Variants in DNAH5 observed in about 807,000 individuals in gnomAD.
The protein encoded by DNAH5 is axonemal beta dynein heavy chain 5.
A neutral mutation model predicts 518.2 loss-of-function variants in DNAH5; 372 were observed. The ratio of observed to expected loss-of-function variants is 0.72; its 90% CI spans 0.66 to 0.78. The LOEUF is 0.78. DNAH5 is among the 30% of genes least tolerant of loss of function. The pLI is 0.00. For synonymous variants in DNAH5, 2,039 were observed against 2,025.9 expected (o/e 1.01, Z -0.17); for missense variants, 5,523 against 5,687.0 (o/e 0.97, Z 0.93).
chr5:13,766,781 G>C (rs1443473046), intron 58 of DNAH5, among the ~76,000 whole-genome samples: 2 of 152,146 alleles, frequency 1.3e-5, no homozygotes, highest in South Asian at 2.1e-4. Flanking sequence ...TACACTTATA[G>C]AGTAAATGAT....
intron 50 of DNAH5, among the ~76,000 whole-genome samples, chr5:13,790,172 C>T (rs1756727562): frequency 6.6e-6 from 1 of 152,122 alleles, no homozygotes; most frequent in Non-Finnish European, 1.5e-5. Flanking sequence ...GCAGAACTAC[C>T]ATTTGACCCA....
Position 13,886,135 on chromosome 5 carries a change from C to CAAAAAA in DNAH5, c.2578-12_2578-7dup, listed in dbSNP as rs71600031. 4.8e-5 allele frequency: 64 copies of CAAAAAA among 1,342,298 alleles called. 1 individual carries two copies. The highest frequency in any genetic ancestry group is 2.5e-4 in the Admixed American group (10 of 39,462). 83.1% of individuals were successfully genotyped at this position (1,342,298 alleles called of 1,614,324 possible). A position where few individuals can be genotyped will look rare whatever the true frequency, so the allele number is the denominator to read the frequency against. ...GCACCATTTACACAAAGATCCTAAC[C>CAAAAAA]AAAAAAAAAAAAAAAAAAAGATAGC... On this transcript the variant is annotated splice_polypyrimidine_tract_variant and splice_region_variant and intron_variant, in intron 17 of 78. Transcript: ENST00000265104.
chr5:13,877,629 A>G (rs1234038342), intron 21 of DNAH5, among the ~76,000 whole-genome samples: 1 of 152,218 alleles, frequency 6.6e-6, no homozygotes, highest in Non-Finnish European at 1.5e-5. Context: ...ATCCGCATCA[A>G]AGGGCAGGAA....
intron 12 of DNAH5, among the ~76,000 whole-genome samples, chr5:13,904,147 T>C (rs1275421850): frequency 1.3e-5 from 2 of 149,690 alleles, no homozygotes; most frequent in East Asian, 1.9e-4. Flanking sequence ...AGAAGAGGAA[T>C]AAAGAGAATA....
At chr5:13,793,086 G>A (rs987411192) in intron 49 of DNAH5, among the ~76,000 whole-genome samples, 3 of 152,072 alleles carry the variant, frequency 2.0e-5, no homozygotes, top group East Asian at 1.9e-4. Flanking sequence ...TCCAATCTGC[G>A]CTCTGGGTGC....
chr5:13,880,642 G>T (rs1269108293), intron 21 of DNAH5, among the ~76,000 whole-genome samples: 1 of 151,650 alleles, frequency 6.6e-6, no homozygotes, highest in Non-Finnish European at 1.5e-5. Context: ...ATTAGTATAA[G>T]ATGTTTTATG....
chr5:13,794,314 G>T (rs958445409), intron 47 of DNAH5, among the ~76,000 whole-genome samples: 6 of 152,178 alleles, frequency 3.9e-5, no homozygotes, highest in African/African-American at 1.4e-4. Context: ...GATGAGACTC[G>T]TCTGTCCATT....
Position 13,886,011 on chromosome 5 carries a change from T to G in DNAH5, c.2696A>C (p.Glu899Ala). 1 of 1,613,360 alleles carries G rather than the reference T, an allele frequency of 6.2e-7. No homozygotes were observed. Among genetic ancestry groups the G allele is most frequent in the Non-Finnish European group, 8.5e-7 (1 of 1,179,886 alleles). The change falls in exon 18 of 79, where the codon GAA becomes GCA. Residue 899 changes from glutamate (E) to alanine (A), a missense_variant. Physicochemically the swap from Glu to Ala is moderately radical, Grantham distance 107. Around this residue, in one of 3 missense-constraint regions of DNAH5, gnomAD observed 5,121 missense variants for 5,223.3 expected, o/e 0.98. Transcript: ENST00000265104. ...DVEVLSEEESEKISNENSVNY... is the reference protein window; with the variant it reads ...DVEVLSEEESAKISNENSVNY... ...AACACTATTCTCATTGGATATTTTT[T>G]CACTTTCTTCTTCAGATAAAACTTC...
chr5:13,956,819 A>G (rs1169324261), intron 1 of DNAH5, among the ~76,000 whole-genome samples: 1 of 152,222 alleles, frequency 6.6e-6, no homozygotes, highest in South Asian at 2.1e-4. Context: ...AATTTCATGA[A>G]CTGAATTATT....
chr5:13,722,392 A>G (rs1156307297), intron 70 of DNAH5, among the ~76,000 whole-genome samples: 3 of 152,294 alleles, frequency 2.0e-5, no homozygotes, highest in Admixed American at 2.0e-4. Flanking sequence ...GAGCTTACAA[A>G]TTGGTGCGAT....
chr5:13,807,701 C>T lies in DNAH5; in HGVS notation c.7777G>A (p.Gly2593Arg). 6.2e-7 allele frequency: 1 copy of T among 1,607,474 alleles called. No individual in the cohort carries two copies. Among genetic ancestry groups the T allele is most frequent in the Non-Finnish European group, 8.5e-7 (1 of 1,175,800 alleles). ...TTAATTATTACTGTTTTGGCTGTTC[C>T]TTGTTCACCAATTAATAGCACAGCC... ...GKAVLLIGEQ[G>R]TAKTVIIKGF... is the part of the protein sequence containing the mutation. The change falls in exon 47 of 79, where the codon GGA becomes AGA. Residue 2593 changes from glycine to arginine, a missense_variant. Gly to Arg is a moderately radical substitution (Grantham distance 125). Coordinates refer to ENST00000265104, the MANE Select transcript of DNAH5 (RefSeq NM_001369.3).
At chr5:13,911,854 G>A (rs1034097790) in intron 11 of DNAH5, among the ~76,000 whole-genome samples, 6 of 152,104 alleles carry the variant, frequency 3.9e-5, no homozygotes, top group Non-Finnish European at 5.9e-5. Flanking sequence ...AATATTCTGT[G>A]TTGAATAGTT....
chr5:13,817,082 AATTT>A (rs758768415), intron 42 of DNAH5, among the ~76,000 whole-genome samples: 1 of 152,244 alleles, frequency 6.6e-6, no homozygotes, highest in Non-Finnish European at 1.5e-5. Flanking sequence ...TACACAGAAT[AATTT>A]ATTAGTTCAA....
chr5:13,851,600 G>T (rs1000003751), intron 30 of DNAH5, among the ~76,000 whole-genome samples: 1 of 152,078 alleles, frequency 6.6e-6, no homozygotes, highest in Non-Finnish European at 1.5e-5. Flanking sequence ...ATGAGCCACT[G>T]CACCCGGCCC....
intron 47 of DNAH5, among the ~76,000 whole-genome samples, chr5:13,796,945 T>C (rs1041035049): frequency 6.6e-5 from 10 of 152,106 alleles, no homozygotes; most frequent in Non-Finnish European, 1.5e-4. Context: ...AAACAAGAAA[T>C]GAGGAAAGGA....
rs972704965 is a variant in DNAH5, at chr5:13,752,311, T to C, written c.10873-22A>G. The C allele has an allele frequency of 1.4e-5, 22 of 1,613,690 alleles. No individual in the cohort carries two copies. The Admixed American group carries it at 2.3e-4, about 17-fold the overall frequency. ...TGATCTAGGAACAGGATCACAAGGT[T>C]GCTATTGGCAGACATTACCATGAAG... On this transcript the variant is annotated intron_variant, in intron 63 of 78. Transcript: ENST00000265104.
chr5:13,720,828 A>G (rs1744949799), intron 71 of DNAH5, among the ~76,000 whole-genome samples, 172 bp downstream of exon 71: 1 of 150,544 alleles, frequency 6.6e-6, no homozygotes, highest in South Asian at 2.1e-4. Flanking sequence ...TATTTGCCAC[A>G]TTGCCTCAAA....
chr5:13,859,475 C>T lies in DNAH5; in HGVS notation c.4927G>A (p.Asp1643Asn). The T allele has an allele frequency of 2.5e-6, 4 of 1,614,068 alleles. No homozygotes were observed. Among genetic ancestry groups the T allele is most frequent in the Non-Finnish European group, 3.4e-6 (4 of 1,179,960 alleles). The change falls in exon 30 of 79, where the codon GAC becomes AAC. Residue 1643 changes from aspartate to asparagine, a missense_variant. Around this residue, in one of 3 missense-constraint regions of DNAH5, gnomAD observed 5,121 missense variants for 5,223.3 expected, o/e 0.98. Coordinates refer to ENST00000265104, the MANE Select transcript of DNAH5 (RefSeq NM_001369.3). ...IYLEAVFVGG[D>N]IAKQLPKEAK... is the part of the protein sequence containing the mutation. ...ACCTTGGGCAGCTGCTTGGCAATGT[C>T]TCCTCCCACAAAGACAGCTTCTAAA... is the stretch of plus-strand genomic sequence containing the variant.
At chr5:13,922,643 G>A (rs745489375) in intron 4 of DNAH5, among the ~76,000 whole-genome samples, 7 of 150,394 alleles carry the variant, frequency 4.7e-5, no homozygotes, top group Middle Eastern at 3.4e-3. Flanking sequence ...AGGAGAAATC[G>A]CTTGAATCCA....
Sources: allele counts gnomAD v4.1 joint callset (sites outside exome capture counted in the v4.1 genomes callset), GRCh38; gene constraint gnomAD v4.1.1; regional missense constraint gnomAD v4.1.1; transcripts MANE v1.5; gene names NCBI Gene and HGNC (gene_info 2026-07-23, HGNC 2026-07-21).